Variants in NRXN1 observed in about 807,000 individuals in gnomAD.
NRXN1 encodes neurexin-1.
NRXN1 carries 39 observed loss-of-function variants against 150.9 expected under a neutral mutation model. The ratio of observed to expected loss-of-function variants is 0.26; its 90% confidence interval spans 0.20 to 0.34. The LOEUF (loss-of-function observed/expected upper bound fraction) is 0.34. Ranked by LOEUF, NRXN1 falls within the 10% of genes least tolerant of loss-of-function variation. The probability of loss-of-function intolerance (pLI) is 1.00; values close to 1 mark genes in which losing one functional copy is unlikely to be tolerated. For missense variants in NRXN1, 1,815 were observed against 1,949.9 expected, an observed-to-expected ratio of 0.93 and a Z score of 1.30; for synonymous variants, 924 against 757.0, an observed-to-expected ratio of 1.22 and a Z score of -3.62.
At chr2:50,073,729 T>C (rs1484780763) in intron 19 of NRXN1, among the ~76,000 whole-genome samples, 1 of 152,082 alleles carries the variant, frequency 6.6e-6, no homozygotes, top group Non-Finnish European at 1.5e-5. Context: ...CTAGTTTAGG[T>C]AGGAAAATTG....
intron 21 of NRXN1, among the ~76,000 whole-genome samples, chr2:49,994,523 A>G (rs2152524459): frequency 6.6e-6 from 1 of 152,296 alleles, no homozygotes; most frequent in East Asian, 1.9e-4. Context: ...TGAAGGTTAG[A>G]GTATATTTAA....
chr2:50,972,669 T>C (rs1009976898), intron 2 of NRXN1, among the ~76,000 whole-genome samples: 11 of 152,090 alleles, frequency 7.2e-5, no homozygotes, highest in African/African-American at 2.7e-4. Context: ...TGGGAGACAG[T>C]GACAGATCAT....
rs1417383128 is a variant in NRXN1 at position 50,667,457 on chromosome 2, C to T, written c.833-43842G>A. Among the ~76,000 whole-genome samples the T allele has an allele frequency of 3.9e-5, 6 of 151,994 alleles. No individual in the cohort carries two copies. The East Asian group carries it at 1.2e-3, about 30-fold the overall frequency. On this transcript the variant is annotated intron_variant, in intron 5 of 22. Coordinates refer to ENST00000401669, the MANE Select transcript of NRXN1 (RefSeq NM_001330078.2). ...TTAGTTCCTTTCAGTATATCAATTT[C>T]TGTGAAATAAATAGCATTCTGCAAG...
intron 17 of NRXN1, among the ~76,000 whole-genome samples, chr2:50,307,128 G>A (rs2074693700): frequency 6.6e-6 from 1 of 152,044 alleles, no homozygotes; most frequent in Non-Finnish European, 1.5e-5. Flanking sequence ...GGGACTACAG[G>A]TGTGCACCAC....
chr2:50,976,173 A>G (rs1272319707), intron 2 of NRXN1, among the ~76,000 whole-genome samples: 1 of 150,222 alleles, frequency 6.7e-6, no homozygotes, highest in Admixed American at 6.7e-5. Context: ...TTTACTTTGC[A>G]ATCAATTATT....
chr2:50,475,619 C>T (rs774605047), intron 15 of NRXN1, among the ~76,000 whole-genome samples: 9 of 152,042 alleles, frequency 5.9e-5, no homozygotes, highest in Admixed American at 1.3e-4. Flanking sequence ...ATACAACCTT[C>T]AAACATAGCA....
At chr2:50,573,757 T>TAAC (rs1439049525) in intron 8 of NRXN1, among the ~76,000 whole-genome samples, 2 of 150,544 alleles carry the variant, frequency 1.3e-5, no homozygotes, top group Admixed American at 1.3e-4. Context: ...ATAATAATAA[T>TAAC]AATAATAAAT....
chr2:50,072,593 TAGTC>T (rs1254054680), intron 19 of NRXN1, among the ~76,000 whole-genome samples: 1 of 142,088 alleles, frequency 7.0e-6, no homozygotes, highest in Non-Finnish European at 1.5e-5. Flanking sequence ...GCTTGCTAAA[TAGTC>T]ATGGCAAAAA....
intron 19 of NRXN1, among the ~76,000 whole-genome samples, chr2:50,068,803 A>G (rs1695764412): frequency 6.6e-6 from 1 of 152,228 alleles, no homozygotes; most frequent in South Asian, 2.1e-4. Context: ...AGAAAGTTGA[A>G]GTAAATGTGA....
intron 2 of NRXN1, among the ~76,000 whole-genome samples, chr2:50,984,295 C>A (rs1202796246): frequency 6.6e-6 from 1 of 151,482 alleles, no homozygotes; most frequent in African/African-American, 2.4e-5. Context: ...CTGTATTAGG[C>A]TGCCCAGTCC....
At position 50,677,180 on chromosome 2, in the gene NRXN1, G is replaced by A. The variant is rs143249298; in HGVS notation, c.833-53565C>T. On this transcript the variant is annotated intron_variant, in intron 5 of 22. Coordinates refer to ENST00000401669, the MANE Select transcript of NRXN1 (RefSeq NM_001330078.2). ...TGCCTTTAGAAATAGTAAATTATAG[G>A]CAAAGAAAAACACGGAGAGCAGCCA... Among the ~76,000 whole-genome samples, 508 of 152,186 alleles carry A rather than the reference G, an allele frequency of 3.3e-3. 3 individuals are homozygous for A. The highest frequency in any genetic ancestry group is 0.012 in the African/African-American group (483 of 41,524).
At chr2:50,568,098 T>C (rs1053838493) in intron 8 of NRXN1, among the ~76,000 whole-genome samples, 3 of 152,116 alleles carry the variant, frequency 2.0e-5, no homozygotes, top group East Asian at 1.9e-4. Flanking sequence ...AACCATATTA[T>C]AGAAACAAAC....
chr2:50,315,060 G>T (rs900323777), intron 17 of NRXN1, among the ~76,000 whole-genome samples: 3 of 151,802 alleles, frequency 2.0e-5, no homozygotes, highest in Admixed American at 6.6e-5. Flanking sequence ...TAACCAGTTC[G>T]GTGTATATTC....
At chr2:50,473,707 T>C (rs1232664850) in intron 15 of NRXN1, among the ~76,000 whole-genome samples, 4 of 152,068 alleles carry the variant, frequency 2.6e-5, no homozygotes, top group Admixed American at 6.6e-5. Flanking sequence ...CCTTCTGTGT[T>C]GTCTTCACGA....
At position 50,636,184 on chromosome 2, in the gene NRXN1, G is replaced by T. The variant is rs540298582; in HGVS notation, c.833-12569C>A. ...AAAAAAATACATGTTTCTATTGATG[G>T]TTTATTCTTTTAAACAAGTTTGTGC... On this transcript the variant is annotated intron_variant, in intron 5 of 22. Coordinates refer to ENST00000401669, the MANE Select transcript of NRXN1 (RefSeq NM_001330078.2). Among the ~76,000 whole-genome samples, 81 of 152,208 alleles carry T rather than the reference G, an allele frequency of 5.3e-4. No homozygotes were observed. The Middle Eastern group carries it at 0.017, about 32-fold the overall frequency.
At chr2:50,624,005 A>G (rs1242716022) in intron 5 of NRXN1, among the ~76,000 whole-genome samples, 1 of 151,942 alleles carries the variant, frequency 6.6e-6, no homozygotes, top group African/African-American at 2.4e-5. Context: ...TCATTGTTCA[A>G]TTCCCACCTA....
At chr2:50,662,194 A>G (rs945076965) in intron 5 of NRXN1, among the ~76,000 whole-genome samples, 1 of 151,952 alleles carries the variant, frequency 6.6e-6, no homozygotes, top group Non-Finnish European at 1.5e-5. Context: ...TGCAGATTCT[A>G]TTTTGCTTTC....
intron 2 of NRXN1, among the ~76,000 whole-genome samples, chr2:50,972,129 T>C (rs1426442635): frequency 6.6e-6 from 1 of 152,132 alleles, no homozygotes; most frequent in Admixed American, 6.6e-5. Flanking sequence ...GAATTCTTAT[T>C]AGGAATTATT....
At chr2:50,883,787 A>G (rs1020448797) in intron 5 of NRXN1, among the ~76,000 whole-genome samples, 3 of 151,886 alleles carry the variant, frequency 2.0e-5, no homozygotes, top group African/African-American at 7.2e-5. Context: ...ATGACAATTT[A>G]GAAACATAAT....
Sources: allele counts gnomAD v4.1 joint callset (sites outside exome capture counted in the v4.1 genomes callset), GRCh38; gene constraint gnomAD v4.1.1; transcripts MANE v1.5; gene names NCBI Gene and HGNC (gene_info 2026-07-23, HGNC 2026-07-21).